SGCD: variants seen among roughly 807,000 people sequenced by gnomAD.
SGCD encodes sarcoglycan delta.
In SGCD, 18 loss-of-function variants were observed where a neutral mutation model predicts 36.6. That is an observed-to-expected ratio of 0.49 (90% CI 0.34 to 0.73). The LOEUF (loss-of-function observed/expected upper bound fraction) is 0.73, where lower values mean the gene tolerates loss of function less well. Among genes scored for constraint, SGCD ranks in the 30% least tolerant of loss-of-function variants. The pLI is 0.01. For synonymous variants in SGCD, 133 were observed against 130.6 expected, an observed-to-expected ratio of 1.02 and a Z score of -0.12; for missense variants, 387 against 346.7, an observed-to-expected ratio of 1.12 and a Z score of -0.92.
chr5:156,655,261 T>C (rs1001995213), intron 7 of SGCD, among the ~76,000 whole-genome samples: 1 of 152,180 alleles, frequency 6.6e-6, no homozygotes, highest in Non-Finnish European at 1.5e-5. Context: ...CGCTTCTCCA[T>C]TGAGTAACAT....
At chr5:156,026,176 A>G (rs1759222335) in intron 1 of SGCD, among the ~76,000 whole-genome samples, 1 of 152,252 alleles carries the variant, frequency 6.6e-6, no homozygotes, top group East Asian at 1.9e-4. Flanking sequence ...GCAGCAAAAA[A>G]TACTTGTTGT....
chr5:155,945,489 A>G (rs923968082), intron 1 of SGCD, among the ~76,000 whole-genome samples: 1 of 152,188 alleles, frequency 6.6e-6, no homozygotes, highest in African/African-American at 2.4e-5. Context: ...TCACACCAAC[A>G]TGCAACTACA....
At chr5:156,360,765 C>G (rs1254255437) in intron 3 of SGCD, among the ~76,000 whole-genome samples, 1 of 152,070 alleles carries the variant, frequency 6.6e-6, no homozygotes, top group Non-Finnish European at 1.5e-5. Context: ...CTCACCCTTC[C>G]CATCCCCTCT....
At chr5:156,101,615 T>C (rs1450838158) in intron 1 of SGCD, among the ~76,000 whole-genome samples, 1 of 152,196 alleles carries the variant, frequency 6.6e-6, no homozygotes, top group African/African-American at 2.4e-5. Context: ...AGGCTACTAT[T>C]GTGCCATTTC....
intron 3 of SGCD, among the ~76,000 whole-genome samples, chr5:156,420,372 C>T (rs1419240725): frequency 1.3e-5 from 2 of 151,984 alleles, no homozygotes; most frequent in Non-Finnish European, 2.9e-5. Flanking sequence ...TAATGTGAAG[C>T]ATGAGGGAAG....
chr5:156,197,745 T>C (rs1358117570), intron 3 of SGCD, among the ~76,000 whole-genome samples: 1 of 152,116 alleles, frequency 6.6e-6, no homozygotes, highest in East Asian at 1.9e-4. Context: ...TCTCCCAAAT[T>C]CTTTCTCTTT....
upstream of SGCD, among the ~76,000 whole-genome samples, chr5:155,869,824 C>A (rs1755597353): frequency 6.6e-6 from 1 of 152,072 alleles, no homozygotes; most frequent in African/African-American, 2.4e-5. Context: ...CATGGTGAAA[C>A]CCTGTCTCTA....
intron 4 of SGCD, among the ~76,000 whole-genome samples, chr5:156,534,821 T>G (rs1258359378): frequency 6.6e-6 from 1 of 152,146 alleles, no homozygotes; most frequent in Non-Finnish European, 1.5e-5. Context: ...ATATACAGGG[T>G]GCCTACAACA....
rs1360269527 is a variant in SGCD at position 156,767,110 on chromosome 5, A to G, written c.*7720A>G. On this transcript the variant is annotated 3_prime_UTR_variant, in exon 9 of 9. Coordinates refer to ENST00000337851, the MANE Select transcript of SGCD (RefSeq NM_000337.6). ...TCCAAATGGCAAGCCAGGAATAGAT[A>G]CCATTAAAGGGTCTCATAGGACTAA... The G allele has an allele frequency of 6.6e-6, 1 of 152,214 alleles. No homozygotes were observed. The highest frequency in any genetic ancestry group is 2.4e-5 in the African/African-American group (1 of 41,462). The allele number at this position is 152,214 out of a possible 1,614,324, so 9.4% of individuals were successfully genotyped here. A position where few individuals can be genotyped will look rare whatever the true frequency, so the allele number is the denominator to read the frequency against.
At chr5:156,220,582 C>T (rs972625715) in intron 3 of SGCD, among the ~76,000 whole-genome samples, 5 of 152,068 alleles carry the variant, frequency 3.3e-5, no homozygotes, top group Admixed American at 3.3e-4. Flanking sequence ...CTCTCATGGC[C>T]TCAGTCAATC....
chr5:156,683,928 AC>A (rs1211794077), intron 7 of SGCD, among the ~76,000 whole-genome samples: 2 of 152,178 alleles, frequency 1.3e-5, no homozygotes, highest in Admixed American at 1.3e-4. Flanking sequence ...ATTTAGTGAG[AC>A]TCCACAAAAA....
intron 3 of SGCD, among the ~76,000 whole-genome samples, chr5:156,490,653 C>T (rs538577369): frequency 2.0e-5 from 3 of 151,918 alleles, no homozygotes; most frequent in East Asian, 1.9e-4. Flanking sequence ...TAAAATTCAA[C>T]GTCCCTTAAT....
chr5:155,841,247 A>G, the SGCD span, among the ~76,000 whole-genome samples: 3 of 152,202 alleles, frequency 2.0e-5, no homozygotes, highest in Admixed American at 6.5e-5. Context: ...ATGAAGACCC[A>G]AAGGTACAGG....
chr5:155,848,746 A>G, the SGCD span, among the ~76,000 whole-genome samples: 47 of 152,300 alleles, frequency 3.1e-4, 1 homozygote, highest in Admixed American at 2.0e-3. Flanking sequence ...GTGTCTTCCC[A>G]TCATCTCCAC....
Position 156,620,183 on chromosome 5 carries a change from T to C in SGCD, c.502+25132T>C, listed in dbSNP as rs370071173. The stretch of plus-strand genomic sequence containing the variant: ...CTGAAAGCCTCTGGTTTCTCATCGG[T>C]AAAACAGGGTTAATAAGAGCACTAC... On this transcript the variant is annotated intron_variant, in intron 6 of 8. Coordinates refer to ENST00000337851, the MANE Select transcript of SGCD (RefSeq NM_000337.6). Among the ~76,000 whole-genome samples, 129 of 152,336 alleles carry C rather than the reference T, an allele frequency of 8.5e-4. 1 individual carries two copies. The highest frequency in any genetic ancestry group is 2.9e-3 in the African/African-American group (121 of 41,582).
chr5:155,826,533 A>T, the SGCD span, among the ~76,000 whole-genome samples: 1 of 152,148 alleles, frequency 6.6e-6, no homozygotes, highest in Admixed American at 6.5e-5. Context: ...TGTCAGCCAG[A>T]CTTTCTTCTG....
the SGCD span, among the ~76,000 whole-genome samples, chr5:155,753,526 T>C: frequency 1.3e-5 from 2 of 152,132 alleles, no homozygotes; most frequent in Admixed American, 1.3e-4. Context: ...GCACAAATAA[T>C]TTCTCTTGCC....
At chr5:156,234,982 C>T (rs1472249065) in intron 3 of SGCD, among the ~76,000 whole-genome samples, 1 of 152,174 alleles carries the variant, frequency 6.6e-6, no homozygotes, top group Admixed American at 6.5e-5. Flanking sequence ...AGGGTATATT[C>T]TATCAGTGTA....
intron 3 of SGCD, among the ~76,000 whole-genome samples, chr5:156,320,058 T>C (rs1462886681): frequency 1.3e-5 from 2 of 152,010 alleles, no homozygotes; most frequent in African/African-American, 4.8e-5. Flanking sequence ...TCATTTGAAA[T>C]GTATAATGAT....
Sources: gnomAD v4.1 joint callset for allele counts (sites outside exome capture counted in the v4.1 genomes callset) on GRCh38, gnomAD v4.1.1 for gene constraint, MANE v1.5 for transcripts, NCBI Gene and HGNC (gene_info 2026-07-23, HGNC 2026-07-21) for gene names.